SNX6: variants seen among roughly 807,000 people sequenced by gnomAD.
SNX6 encodes sorting nexin 6.
Under a neutral mutation model 63.0 loss-of-function variants are expected in SNX6, and 34 were observed. The ratio of observed to expected loss-of-function variants is 0.54; its 90% CI spans 0.41 to 0.72. The LOEUF (loss-of-function observed/expected upper bound fraction) is 0.72, where lower values mean the gene tolerates loss of function less well. SNX6 is among the 30% of genes least tolerant of loss of function. The probability of loss-of-function intolerance (pLI) is 0.00; values close to 1 mark genes in which losing one functional copy is unlikely to be tolerated. For missense variants in SNX6, 398 were observed against 471.4 expected, an observed-to-expected ratio of 0.84 and a Z score of 1.44; for synonymous variants, 170 against 164.2, an observed-to-expected ratio of 1.04 and a Z score of -0.27.
At chr14:34,616,626 G>A (rs891068613) in intron 2 of SNX6, among the ~76,000 whole-genome samples, 22 of 152,016 alleles carry the variant, frequency 1.4e-4, no homozygotes, top group African/African-American at 4.8e-4. Context: ...TTGGCTTCCC[G>A]AACCACTGGT....
intron 8 of SNX6, among the ~76,000 whole-genome samples, 163 bp downstream of exon 8, chr14:34,592,882 T>C (rs1427711169): frequency 6.6e-6 from 1 of 152,148 alleles, no homozygotes; most frequent in Non-Finnish European, 1.5e-5. Context: ...CAGCTGAAAA[T>C]AGTTTTGACC....
chr14:34,629,606 C>A, intron 2 of SNX6: 1 of 648,548 alleles, frequency 1.5e-6, no homozygotes, highest in Non-Finnish European at 2.8e-6. Flanking sequence ...TTCCATCTCC[C>A]GCCTCCATTT....
intron 11 of SNX6, among the ~76,000 whole-genome samples, chr14:34,574,987 G>A (rs966203334): frequency 6.6e-5 from 10 of 151,788 alleles, no homozygotes; most frequent in Admixed American, 2.6e-4. Context: ...CACCTCCTGC[G>A]TTCAAGCAAT....
rs768430010 is a variant in SNX6 at position 34,562,793 on chromosome 14, A to G, written c.*329T>C. The G allele has an allele frequency of 1.6e-5, 4 of 251,836 alleles. No homozygotes were observed. The highest frequency in any genetic ancestry group is 3.0e-5 in the Non-Finnish European group (4 of 133,570). The allele number at this position is 251,836 out of a possible 1,614,324, so 15.6% of individuals were successfully genotyped here. A position where few individuals can be genotyped will look rare whatever the true frequency, so the allele number is the denominator to read the frequency against. On this transcript the variant is annotated 3_prime_UTR_variant, in exon 14 of 14. Transcript: ENST00000362031. ...AATTTCAGAAATTATTTAAAGGTAAATAAGAGTGGCAGCCATAAGGAATAC... is the reference window on the plus strand; with the variant it reads ...AATTTCAGAAATTATTTAAAGGTAAGTAAGAGTGGCAGCCATAAGGAATAC...
chr14:34,618,807 T>C (rs960002638), intron 2 of SNX6, among the ~76,000 whole-genome samples: 3 of 152,158 alleles, frequency 2.0e-5, no homozygotes, highest in Non-Finnish European at 2.9e-5. Flanking sequence ...CTAGCCACCC[T>C]ATCTAAAAGT....
At chr14:34,595,990 T>A (rs1159170130) in intron 7 of SNX6, among the ~76,000 whole-genome samples, 1 of 149,422 alleles carries the variant, frequency 6.7e-6, no homozygotes, top group Non-Finnish European at 1.5e-5. Context: ...GAGGCCAAGG[T>A]GGGCGGATCA....
In SNX6 at chr14:34,630,101, G is replaced by A. The variant is rs1349347457; in HGVS notation, c.6+10C>T. 9.0e-6 allele frequency: 13 copies of A among 1,446,544 alleles called. 1 individual carries two copies. The South Asian group carries it at 1.5e-4, about 17-fold the overall frequency. The allele number at this position is 1,446,544 out of a possible 1,614,324, so 89.6% of individuals were successfully genotyped here. ...CGCTCCCGGGACTCGGCGCCGCGGA[G>A]AACACCCACCATCATGGCTGCTCCG... On this transcript the variant is annotated intron_variant, in intron 1 of 13. Transcript: ENST00000362031.
At chr14:34,593,543 T>G (rs962413027) in intron 7 of SNX6, among the ~76,000 whole-genome samples, 2 of 149,164 alleles carry the variant, frequency 1.3e-5, no homozygotes, top group African/African-American at 5.0e-5. Context: ...GGACTACAGG[T>G]GCACACCACC....
intron 9 of SNX6, among the ~76,000 whole-genome samples, chr14:34,585,792 G>A (rs1882126665): frequency 6.6e-6 from 1 of 152,014 alleles, no homozygotes. Flanking sequence ...GGTAGAGATA[G>A]GGTTTAGCAA....
chr14:34,609,650 A>G lies in SNX6; in HGVS notation c.147T>C (p.Thr49=), dbSNP rs1328328769. 2.5e-6 allele frequency: 4 copies of G among 1,603,548 alleles called. No individual in the cohort carries two copies. The African/African-American group carries it at 5.3e-5, about 21-fold the overall frequency. ...ALSERDKVKF[T]VHTKSSLPNF... ...AAATCACATTTACCTTTGTGTGAAC[A>G]GTGAATTTTACTTTATCCCGCTCAC... The change falls in exon 3 of 14, where the codon ACT becomes ACC. Residue 49 remains threonine, a synonymous_variant. Coordinates refer to ENST00000362031, the MANE Select transcript of SNX6 (RefSeq NM_152233.4).
intron 2 of SNX6, among the ~76,000 whole-genome samples, chr14:34,623,181 G>A (rs530737464): frequency 6.6e-6 from 1 of 152,246 alleles, no homozygotes; most frequent in South Asian, 2.1e-4. Flanking sequence ...AATGTGGCAT[G>A]TGTTTAAGCT....
rs1019768294 is a variant in SNX6, at chr14:34,612,483, G to C, written c.55-2741C>G. ...AGTCTCACTTTGTCCCCTGAGGTTGGAGTGCAGTGGCCCCATCTTGGCTCA... is the reference window on the plus strand; with the variant it reads ...AGTCTCACTTTGTCCCCTGAGGTTGCAGTGCAGTGGCCCCATCTTGGCTCA... On this transcript the variant is annotated intron_variant, in intron 2 of 13. Transcript: ENST00000362031. Among the ~76,000 whole-genome samples, 23 of 152,116 alleles carry C rather than the reference G, an allele frequency of 1.5e-4. 1 individual carries two copies. Among genetic ancestry groups the C allele is most frequent in the African/African-American group, 5.3e-4 (22 of 41,522 alleles).
intron 7 of SNX6, among the ~76,000 whole-genome samples, chr14:34,596,958 C>T (rs539281174): frequency 6.6e-6 from 1 of 152,326 alleles, no homozygotes; most frequent in South Asian, 2.1e-4. Context: ...AGGCATGGGC[C>T]ACCTTGCCCG....
chr14:34,607,448 A>C (rs1369897972), intron 4 of SNX6, among the ~76,000 whole-genome samples: 1 of 151,858 alleles, frequency 6.6e-6, no homozygotes, highest in African/African-American at 2.4e-5. Flanking sequence ...CTCTACTTAA[A>C]AAACAAAAAA....
chr14:34,594,399 G>A (rs920781218), intron 7 of SNX6, among the ~76,000 whole-genome samples: 1 of 151,758 alleles, frequency 6.6e-6, no homozygotes, highest in Non-Finnish European at 1.5e-5. Flanking sequence ...TGTAATCCAG[G>A]CTGGACTGCA....
intron 8 of SNX6, among the ~76,000 whole-genome samples, chr14:34,587,532 CAAAAAAAAAAAAAAAAAA>C (rs34380966): frequency 1.7e-5 from 1 of 57,806 alleles, no homozygotes; most frequent in Non-Finnish European, 2.9e-5. Context: ...GACTCCATCT[CAAAAAAAAAAAAAAAAAA>C]AAAAAAAAAA....
In SNX6 at chr14:34,598,831, C is replaced by T. The variant is rs539828012; in HGVS notation, c.517-1186G>A. Among the ~76,000 whole-genome samples, 20 of 152,268 alleles carry T rather than the reference C, an allele frequency of 1.3e-4. No individual in the cohort carries two copies. In the South Asian group the frequency reaches 3.7e-3, roughly 28 times the overall value. The stretch of plus-strand genomic sequence containing the variant: ...GCCAGGAGTTTGAGGCTGCAATGTG[C>T]TACAACTGCACCTGTGAATAGCCAC... On this transcript the variant is annotated intron_variant, in intron 6 of 13. Coordinates refer to ENST00000362031, the MANE Select transcript of SNX6 (RefSeq NM_152233.4).
chr14:34,607,823 G>A (rs540299463), intron 4 of SNX6, among the ~76,000 whole-genome samples: 1 of 152,102 alleles, frequency 6.6e-6, no homozygotes, highest in African/African-American at 2.4e-5. Flanking sequence ...CAGGAGAACT[G>A]CTTGAACCCA....
chr14:34,617,146 T>G (rs929761488), intron 2 of SNX6, among the ~76,000 whole-genome samples: 4 of 152,062 alleles, frequency 2.6e-5, no homozygotes, highest in Admixed American at 6.6e-5. Context: ...TCTAATTAGA[T>G]TACATTCAAT....
Sources: allele counts gnomAD v4.1 joint callset (sites outside exome capture counted in the v4.1 genomes callset), GRCh38; gene constraint gnomAD v4.1.1; transcripts MANE v1.5; gene names NCBI Gene and HGNC (gene_info 2026-07-23, HGNC 2026-07-21).